The following ASTN2 variants were observed in gnomAD, a reference collection of about 807,000 sequenced individuals.
The protein encoded by ASTN2 is astrotactin 2.
Under a neutral mutation model 139.8 loss-of-function variants are expected in ASTN2, and 54 were observed. That is an observed-to-expected ratio of 0.39 (90% confidence interval 0.31 to 0.48). The LOEUF (loss-of-function observed/expected upper bound fraction) is 0.48, where lower values mean the gene tolerates loss of function less well. Among genes scored for constraint, ASTN2 ranks in the 20% least tolerant of loss-of-function variants. ASTN2 has a pLI of 0.95. For missense variants in ASTN2, 1,565 were observed against 1,725.1 expected (o/e 0.91, Z 1.64); for synonymous variants, 756 against 719.5 (o/e 1.05, Z -0.81).
intron 1 of ASTN2, among the ~76,000 whole-genome samples, chr9:117,341,596 T>C (rs985031553): frequency 6.6e-6 from 1 of 152,222 alleles, no homozygotes; most frequent in Non-Finnish European, 1.5e-5. Context: ...GTGGATCCTT[T>C]TATCTGGGTC....
chr9:117,094,199 GA>G (rs1828782743), intron 5 of ASTN2, among the ~76,000 whole-genome samples: 1 of 136,044 alleles, frequency 7.4e-6, no homozygotes, highest in Non-Finnish European at 1.6e-5. Flanking sequence ...GAGGAGAGGA[GA>G]GGAGAGGAGA....
chr9:117,386,201 C>T (rs960584231), intron 1 of ASTN2, among the ~76,000 whole-genome samples: 10 of 152,082 alleles, frequency 6.6e-5, no homozygotes, highest in Non-Finnish European at 1.3e-4. Flanking sequence ...TAAAGCCAGT[C>T]CCACTGGCTT....
intron 11 of ASTN2, among the ~76,000 whole-genome samples, chr9:116,826,532 C>T (rs1831630806): frequency 1.3e-5 from 2 of 152,184 alleles, no homozygotes; most frequent in Admixed American, 6.5e-5. Context: ...GGGGACTAGC[C>T]CGCCCAACCC....
Position 116,699,863 on chromosome 9 carries a change from G to C in ASTN2, c.2806+25908C>G, listed in dbSNP as rs1861087055. On this transcript the variant is annotated intron_variant, in intron 16 of 22. Transcript: ENST00000313400. This position sits in a 1 kb window ranked among gnomAD's most constrained non-coding sequence, Gnocchi z 4.2. ...GCTCCATCTTTTAATGTTTTTATTT[G>C]TTATGTCCCCCTCCCCGCTTCCCAC... 1.0e-6 allele frequency: 1 copy of C among 983,018 alleles called. No homozygotes were observed. The highest frequency in any genetic ancestry group is 2.6e-5 in the East Asian group (1 of 38,214). The allele number at this position is 983,018 out of a possible 1,614,324, so 60.9% of individuals were successfully genotyped here.
chr9:116,652,775 T>C (rs575998454), intron 16 of ASTN2, among the ~76,000 whole-genome samples: 2 of 152,324 alleles, frequency 1.3e-5, no homozygotes, highest in East Asian at 3.9e-4. Context: ...CTTACCTGTT[T>C]CCTTGTTCAC....
At chr9:116,513,693 TTG>T (rs1337755879) in intron 19 of ASTN2, among the ~76,000 whole-genome samples, 2 of 151,304 alleles carry the variant, frequency 1.3e-5, no homozygotes, top group African/African-American at 4.8e-5. Context: ...GAGGCTTTGT[TTG>T]TTTCTTTTTA....
In ASTN2 at chr9:117,188,571, C is replaced by T. The variant is rs992206645; in HGVS notation, c.1015+25787G>A. Among the ~76,000 whole-genome samples, 7 of 152,186 alleles carry T rather than the reference C, an allele frequency of 4.6e-5. No homozygotes were observed. In the East Asian group the frequency reaches 5.8e-4, roughly 13 times the overall value. On this transcript the variant is annotated intron_variant, in intron 3 of 22. Coordinates refer to ENST00000313400, the MANE Select transcript of ASTN2 (RefSeq NM_001365068.1). ...TTGTTGCTGGATGCCGAGGAAACAT[C>T]GTAGCTGGGAACTCTTCAGAAACCA... is the stretch of plus-strand genomic sequence containing the variant.
chr9:116,940,397 A>C (rs995846649), intron 10 of ASTN2, among the ~76,000 whole-genome samples: 5 of 152,210 alleles, frequency 3.3e-5, no homozygotes, highest in African/African-American at 1.2e-4. Flanking sequence ...ATAGGAGATG[A>C]CAGCTCCATG....
chr9:117,158,023 A>T (rs1830468009), intron 3 of ASTN2, among the ~76,000 whole-genome samples: 1 of 152,094 alleles, frequency 6.6e-6, no homozygotes, highest in African/African-American at 2.4e-5. Context: ...CAGTGCCAGT[A>T]ACTGTGCTAG....
intron 10 of ASTN2, among the ~76,000 whole-genome samples, chr9:116,953,832 T>C (rs1187296632): frequency 6.6e-6 from 1 of 152,180 alleles, no homozygotes; most frequent in Admixed American, 6.5e-5. Flanking sequence ...TCCAAGGTCA[T>C]TTAGCTCATT....
At chr9:117,199,039 T>A (rs977859817) in intron 3 of ASTN2, among the ~76,000 whole-genome samples, 1 of 152,254 alleles carries the variant, frequency 6.6e-6, no homozygotes, top group Non-Finnish European at 1.5e-5. Context: ...TATACTTTTG[T>A]CAGATGGGTA....
chr9:116,590,374 T>C (rs959118505), intron 19 of ASTN2, among the ~76,000 whole-genome samples: 1 of 152,234 alleles, frequency 6.6e-6, no homozygotes, highest in Admixed American at 6.5e-5. Flanking sequence ...GTGACCTGGC[T>C]GGGTGCATGT....
intron 10 of ASTN2, among the ~76,000 whole-genome samples, chr9:116,935,719 G>C (rs1010950769): frequency 6.6e-6 from 1 of 152,270 alleles, no homozygotes; most frequent in South Asian, 2.1e-4. Flanking sequence ...TTCCTCAACT[G>C]CAAGATAAGG....
At chr9:116,720,961 C>A (rs1259591632) in intron 16 of ASTN2, among the ~76,000 whole-genome samples, 1 of 152,102 alleles carries the variant, frequency 6.6e-6, no homozygotes, top group Non-Finnish European at 1.5e-5. Flanking sequence ...GGGATGAGAG[C>A]AAATTAGCAA....
chr9:116,442,749 A>G (rs930256093), intron 20 of ASTN2, among the ~76,000 whole-genome samples, 196 bp from the exon 21 acceptor site: 5 of 152,192 alleles, frequency 3.3e-5, no homozygotes, highest in African/African-American at 7.2e-5. Context: ...GGAGGGATTT[A>G]TTGTCACCCA....
At chr9:117,032,371 C>A (rs1281354010) in intron 6 of ASTN2, among the ~76,000 whole-genome samples, 2 of 152,114 alleles carry the variant, frequency 1.3e-5, no homozygotes, top group African/African-American at 4.8e-5. Flanking sequence ...AAGAAAAAGA[C>A]AGAAGCCATA....
intron 2 of ASTN2, among the ~76,000 whole-genome samples, chr9:117,247,324 C>A (rs989433327): frequency 2.6e-5 from 4 of 152,174 alleles, no homozygotes; most frequent in African/African-American, 9.7e-5. Context: ...CCATTTGTCA[C>A]CCAGGCTGCC....
At chr9:116,558,815 G>C (rs1852761725) in intron 19 of ASTN2, among the ~76,000 whole-genome samples, 1 of 152,158 alleles carries the variant, frequency 6.6e-6, no homozygotes, top group East Asian at 1.9e-4. Context: ...TTCCTCAGAT[G>C]TAAAAAGGAT....
chr9:116,948,022 T>G (rs1250745521), intron 10 of ASTN2, among the ~76,000 whole-genome samples: 2 of 152,256 alleles, frequency 1.3e-5, no homozygotes, highest in African/African-American at 2.4e-5. Context: ...AATTTGGGTT[T>G]ATCTGATGTT....
Sources: gnomAD v4.1 joint callset for allele counts (sites outside exome capture counted in the v4.1 genomes callset) on GRCh38, gnomAD v4.1.1 for gene constraint, Gnocchi (gnomAD v3.1) non-coding constraint, MANE v1.5 for transcripts, NCBI Gene and HGNC (gene_info 2026-07-23, HGNC 2026-07-21) for gene names.